Variants in U2AF2 observed in about 807,000 individuals in gnomAD.
U2AF2 encodes the protein splicing factor U2AF 65 kDa subunit.
U2AF2 carries 6 observed loss-of-function variants against 52.6 expected under a neutral mutation model. The observed-to-expected ratio is 0.11, with a 90% confidence interval of 0.06 to 0.23. The LOEUF is 0.23. Ranked by LOEUF, U2AF2 falls within the 10% of genes least tolerant of loss-of-function variation. U2AF2 has a pLI of 1.00. For synonymous variants in U2AF2, 284 were observed against 258.2 expected (o/e 1.10, Z -0.96); for missense variants, 222 against 677.1 (o/e 0.33, Z 7.46).
chr19:55,669,299 G>A, intron 10 of U2AF2, 118 bp downstream of exon 10: 1 of 1,551,918 alleles, frequency 6.4e-7, no homozygotes, highest in Non-Finnish European at 8.7e-7. Flanking sequence ...GGGGCATTCA[G>A]TGCAGTGTTG....
chr19:55,662,028 C>G (rs1477468466), intron 5 of U2AF2: 1 of 162,836 alleles, frequency 6.1e-6, no homozygotes, highest in African/African-American at 2.4e-5. Flanking sequence ...TCCTGCTCTC[C>G]CTTTCTGTCC....
intron 5 of U2AF2, chr19:55,662,154 T>G: frequency 5.0e-6 from 1 of 198,588 alleles, no homozygotes; most frequent in Non-Finnish European, 1.0e-5. Flanking sequence ...TTGTGTTTCG[T>G]GTTTTTCTTC....
Position 55,674,030 on chromosome 19 carries a change from T to C in U2AF2, c.1390T>C (p.Cys464Arg). The C allele has an allele frequency of 6.2e-7, 1 of 1,603,156 alleles. No individual in the cohort carries two copies. Among genetic ancestry groups the C allele is most frequent in the Non-Finnish European group, 8.5e-7 (1 of 1,173,850 alleles). Residue 464 changes from cysteine (C) to arginine (R), a missense_variant, in exon 12 of 12, where the codon TGT (cysteine) becomes CGT (arginine). By Grantham distance (180) the Cys-to-Arg change is radical. This residue lies in a region of U2AF2 where 71 missense variants were observed against 180.6 expected (regional missense o/e 0.39). Coordinates refer to ENST00000308924, the MANE Select transcript of U2AF2 (RefSeq NM_007279.3). The part of the protein sequence containing the change: ...FANRVVVTKY[C>R]DPDSYHRRDF... The stretch of plus-strand genomic sequence containing the variant: ...CAACAGAGTGGTTGTCACAAAATAC[T>C]GTGACCCCGACTCTTATCACCGCCG...
chr19:55,659,214 G>A lies in U2AF2; in HGVS notation c.54G>A (p.Arg18=), dbSNP rs2123673739. The change falls in exon 2 of 12, where the codon CGG becomes CGA. Residue 18 remains arginine, a synonymous_variant. Transcript: ENST00000308924. ...ERQLNENKQE[R]DKENRHRKRS... The stretch of plus-strand genomic sequence containing the variant: ...CCTCCTCTCACCCTTGCCCAGAGCG[G>A]GACAAGGAGAACCGGCATCGGAAGC... 6.3e-7 allele frequency: 1 copy of A among 1,589,250 alleles called. No individual in the cohort carries two copies. The highest frequency in any genetic ancestry group is 8.6e-7 in the Non-Finnish European group (1 of 1,165,830).
rs1408944608 is a variant in U2AF2 at position 55,674,068 on chromosome 19, G to GAGGC, written c.*1_*4dup. On this transcript the variant is annotated 3_prime_UTR_variant, in exon 12 of 12. Transcript: ENST00000308924. Reference sequence around the variant, plus strand: ...CTTATCACCGCCGGGACTTCTGGTAGAGGCGGCTGGGGGAGGGTGGGGGCA... The same window carrying GAGGC: ...CTTATCACCGCCGGGACTTCTGGTAGAGGCAGGCGGCTGGGGGAGGGTGGGGGCA... 6.2e-7 allele frequency: 1 copy of GAGGC among 1,603,854 alleles called. No homozygotes were observed. The highest frequency in any genetic ancestry group is 1.7e-5 in the Admixed American group (1 of 59,336).
chr19:55,663,659 C>T lies in U2AF2; in HGVS notation c.657C>T (p.Phe219=), dbSNP rs1984361286. 6.2e-7 allele frequency: 1 copy of T among 1,614,054 alleles called. No homozygotes were observed. The highest frequency in any genetic ancestry group is 1.1e-5 in the South Asian group (1 of 91,086). Residue 219 remains phenylalanine (F), a synonymous_variant, in exon 7 of 12, where the codon TTC becomes TTT. Transcript: ENST00000308924. ...CTATGGCCTTTGATGGCATCATCTT[C>T]CAGGGCCAGTCACTAAAGATCCGCA... ...TQAMAFDGII[F]QGQSLKIRRP...
Position 55,668,654 on chromosome 19 carries a change from C to A in U2AF2, c.823-16C>A. On this transcript the variant is annotated splice_polypyrimidine_tract_variant and intron_variant, in intron 8 of 11. Coordinates refer to ENST00000308924, the MANE Select transcript of U2AF2 (RefSeq NM_007279.3). This position sits in a 1 kb window ranked among gnomAD's most constrained non-coding sequence, Gnocchi z 5.5. Reference sequence around the variant, plus strand: ...CCCACCTCATCCCAGCCCTGATGGACTCTCGGCTACTGCAGGTCAAAGAGC... The same window carrying A: ...CCCACCTCATCCCAGCCCTGATGGAATCTCGGCTACTGCAGGTCAAAGAGC... 1 of 1,606,552 alleles carries A rather than the reference C, an allele frequency of 6.2e-7. No homozygotes were observed. Among genetic ancestry groups the A allele is most frequent in the Non-Finnish European group, 8.5e-7 (1 of 1,174,448 alleles).
chr19:55,669,997 C>T (rs962934676), intron 11 of U2AF2, among the ~76,000 whole-genome samples: 7 of 152,132 alleles, frequency 4.6e-5, no homozygotes, highest in Admixed American at 2.6e-4. Flanking sequence ...CTTGGCCCTG[C>T]TCCCCCTTAT....
In U2AF2 at chr19:55,668,509, G is replaced by T. The variant is rs1600082017; in HGVS notation, c.745G>T (p.Val249Phe). Residue 249 changes from valine (V) to phenylalanine (F), a missense_variant and splice_region_variant, in exon 8 of 12, where the codon GTT (valine) becomes TTT (phenylalanine). Transcript: ENST00000308924. This position sits in a 1 kb window ranked among gnomAD's most constrained non-coding sequence, Gnocchi z 5.5. ...GTCCTCCTCTTCTCTACCCATAGGG[G>T]TTGTGTCCACTGTGGTCCCCGACTC... ...SENPSVYVPGVVSTVVPDSAH... is the reference protein window; with the variant it reads ...SENPSVYVPGFVSTVVPDSAH... The T allele has an allele frequency of 6.3e-7, 1 of 1,597,322 alleles. No homozygotes were observed.
chr19:55,663,074 C>A (rs990837990), intron 6 of U2AF2, among the ~76,000 whole-genome samples: 2 of 151,982 alleles, frequency 1.3e-5, no homozygotes, highest in Non-Finnish European at 2.9e-5. Flanking sequence ...TTTTGATTTT[C>A]GACTCTTGGT....
chr19:55,665,117 G>A (rs1984465901), intron 7 of U2AF2, among the ~76,000 whole-genome samples: 1 of 152,200 alleles, frequency 6.6e-6, no homozygotes, highest in Admixed American at 6.5e-5. Flanking sequence ...TTTTACGTAT[G>A]GGTGCGTTTC....
In U2AF2 at chr19:55,668,651, G is replaced by A. The variant is rs773770403; in HGVS notation, c.823-19G>A. 6.7e-6 allele frequency: 10 copies of A among 1,491,924 alleles called. No homozygotes were observed. The Admixed American group carries it at 1.7e-4, about 26-fold the overall frequency. The allele number at this position is 1,491,924 out of a possible 1,614,324, so 92.4% of individuals were successfully genotyped here. A position where few individuals can be genotyped will look rare whatever the true frequency, so the allele number is the denominator to read the frequency against. On this transcript the variant is annotated intron_variant, in intron 8 of 11. Transcript: ENST00000308924. The surrounding 1 kb of genome is among the most constrained non-coding windows in gnomAD (Gnocchi z 5.5). The stretch of plus-strand genomic sequence containing the variant: ...CGCCCCACCTCATCCCAGCCCTGAT[G>A]GACTCTCGGCTACTGCAGGTCAAAG...
At chr19:55,661,535 CACACACAG>C (rs777313196) in intron 5 of U2AF2, among the ~76,000 whole-genome samples, 20 of 135,624 alleles carry the variant, frequency 1.5e-4, no homozygotes, top group Admixed American at 4.4e-4. Context: ...CACACACACA[CACACACAG>C]ACGCACGCTG....
intron 1 of U2AF2, among the ~76,000 whole-genome samples, chr19:55,655,552 G>A (rs1983733138): frequency 6.6e-6 from 1 of 152,252 alleles, no homozygotes; most frequent in Non-Finnish European, 1.5e-5. Context: ...TGGCACTTCC[G>A]CTTCCGGTCG....
Position 55,655,244 on chromosome 19 carries a change from C to T in U2AF2, c.49+91C>T, listed in dbSNP as rs922438315. The T allele has an allele frequency of 9.2e-6, 13 of 1,414,840 alleles. 1 individual carries two copies. The highest frequency in any genetic ancestry group is 7.4e-5 in the African/African-American group (5 of 67,608). The allele number at this position is 1,414,840 out of a possible 1,614,324, so 87.6% of individuals were successfully genotyped here. A position where few individuals can be genotyped will look rare whatever the true frequency, so the allele number is the denominator to read the frequency against. Reference sequence around the variant, plus strand: ...CCATTTTCTCCCTCGCTTCCCCCCACTTCACGGCCGCGCGGCGCCCCCCAA... The same window carrying T: ...CCATTTTCTCCCTCGCTTCCCCCCATTTCACGGCCGCGCGGCGCCCCCCAA... On this transcript the variant is annotated intron_variant, in intron 1 of 11. Transcript: ENST00000308924.
At chr19:55,663,581 C>CA in intron 6 of U2AF2, 25 bp from the exon 7 acceptor site, 1 of 1,610,488 alleles carries the variant, frequency 6.2e-7, no homozygotes, top group Non-Finnish European at 8.5e-7. Context: ...CCCCATCCCT[C>CA]ACCACTCCTT....
At position 55,674,359 on chromosome 19, in the gene U2AF2, G is replaced by T; in HGVS notation, c.*291G>T. 1 of 361,966 alleles carries T rather than the reference G, an allele frequency of 2.8e-6. No homozygotes were observed. The allele number at this position is 361,966 out of a possible 1,614,324, so 22.4% of individuals were successfully genotyped here. On this transcript the variant is annotated 3_prime_UTR_variant, in exon 12 of 12. Coordinates refer to ENST00000308924, the MANE Select transcript of U2AF2 (RefSeq NM_007279.3). ...ATGGGGACAGGGTGCACAGCAGGGC[G>T]GGGTAGGACCCCAGCCCCTCCCAAA...
At chr19:55,670,234 T>TC (rs1984807220) in intron 11 of U2AF2, among the ~76,000 whole-genome samples, 1 of 151,980 alleles carries the variant, frequency 6.6e-6, no homozygotes, top group South Asian at 2.1e-4. Context: ...GGAGTCTGAT[T>TC]TCAGACTCTG....
At chr19:55,663,927 C>T (rs948657564) in intron 7 of U2AF2, 183 bp downstream of exon 7, 32 of 855,516 alleles carry the variant, frequency 3.7e-5, no homozygotes, top group Non-Finnish European at 4.9e-5. Context: ...AGAGAAGGTG[C>T]CTAGGGCCGG....
Sources: gnomAD v4.1 joint callset for allele counts (sites outside exome capture counted in the v4.1 genomes callset) on GRCh38, gnomAD v4.1.1 for gene constraint, gnomAD v4.1.1 regional missense constraint, Gnocchi (gnomAD v3.1) non-coding constraint, MANE v1.5 for transcripts, NCBI Gene and HGNC (gene_info 2026-07-23, HGNC 2026-07-21) for gene names.